TRMT11: variants seen among roughly 807,000 people sequenced by gnomAD.
TRMT11 encodes the protein tRNA (guanine(10)-N(2))-methyltransferase TRMT11.
Under a neutral mutation model 62.8 loss-of-function variants are expected in TRMT11, and 53 were observed. The observed-to-expected ratio is 0.84, with a 90% confidence interval of 0.68 to 1.06. The LOEUF is 1.06. Ranked by LOEUF, TRMT11 falls within the 50% of genes least tolerant of loss-of-function variation. TRMT11 has a pLI of 0.00. For missense variants in TRMT11, 556 were observed against 553.4 expected, an observed-to-expected ratio of 1.00 and a Z score of -0.05; for synonymous variants, 188 against 190.3, an observed-to-expected ratio of 0.99 and a Z score of 0.10.
chr6:126,241,962 G>C, the TRMT11 span, among the ~76,000 whole-genome samples: 32 of 152,174 alleles, frequency 2.1e-4, no homozygotes, highest in African/African-American at 7.0e-4. Flanking sequence ...GGAAATAAAG[G>C]GTATTCCATT....
At chr6:126,199,937 G>A (rs1017335998) in intron 3 of TRMT11, 1 of 152,142 alleles carries the variant, frequency 6.6e-6, no homozygotes, top group Non-Finnish European at 1.5e-5. Flanking sequence ...CTAATGTTAC[G>A]CTAAGATGGA....
chr6:126,223,164 G>A, the TRMT11 span, among the ~76,000 whole-genome samples: 1 of 152,206 alleles, frequency 6.6e-6, no homozygotes, highest in Non-Finnish European at 1.5e-5. Flanking sequence ...GCTCATGCCT[G>A]TAATCCCAGC....
intron 21 of TRMT11, among the ~76,000 whole-genome samples, chr6:126,151,904 TC>T (rs1778057627): frequency 8.1e-5 from 1 of 12,410 alleles, no homozygotes; most frequent in Non-Finnish European, 1.5e-4. Flanking sequence ...TTCTTTCTTT[TC>T]TCTTTCTTTC....
Position 126,029,476 on chromosome 6 carries a change from A to G in TRMT11, c.1260+8196A>G, listed in dbSNP as rs190063193. Among the ~76,000 whole-genome samples the G allele has an allele frequency of 1.6e-4, 24 of 152,228 alleles. No individual in the cohort carries two copies. The East Asian group carries it at 4.6e-3, about 29-fold the overall frequency. On this transcript the variant is annotated intron_variant, in intron 12 of 12. Transcript: ENST00000334379. Reference sequence around the variant, plus strand: ...GCTTTTCTTTTGTAATATTACCACTATTGAATTCATCCCTAAGCAATATAG... The same window carrying G: ...GCTTTTCTTTTGTAATATTACCACTGTTGAATTCATCCCTAAGCAATATAG...
intron 12 of TRMT11, among the ~76,000 whole-genome samples, chr6:126,022,694 A>C (rs1796005983): frequency 1.3e-5 from 2 of 152,194 alleles, no homozygotes; most frequent in South Asian, 4.1e-4. Context: ...GTGTGACATA[A>C]ACTATCTTCT....
chr6:126,213,596 G>A, the TRMT11 span, among the ~76,000 whole-genome samples: 3 of 152,128 alleles, frequency 2.0e-5, no homozygotes, highest in African/African-American at 7.2e-5. Context: ...TGTTGGTTTT[G>A]AATCCTTCAA....
rs752465721 is a variant in TRMT11 at position 126,139,405 on chromosome 6, A to G, written c.*1823+23550A>G. On this transcript the variant is annotated intron_variant and NMD_transcript_variant, in intron 21 of 22. Transcript: ENST00000648977. ...TTTTTTCAAGACTGAGTCTTGCTCT[A>G]TTGCCCAGGTGGGAGTGCAGTGGTG... is the stretch of plus-strand genomic sequence containing the variant. Among the ~76,000 whole-genome samples, 6 of 152,102 alleles carry G rather than the reference A, an allele frequency of 3.9e-5. No homozygotes were observed. In the East Asian group the frequency reaches 5.8e-4, roughly 15 times the overall value.
Position 126,062,112 on chromosome 6 carries a change from C to G in TRMT11, c.*1437+8922C>G, listed in dbSNP as rs959468919. On this transcript the variant is annotated intron_variant and NMD_transcript_variant, in intron 17 of 22. Coordinates refer to the TRMT11 transcript ENST00000648977. ...ACTATGTTAGGCTTGTCTCTAACTC[C>G]TGGCCTCAAGAGATCCGTCCACCTT... Among the ~76,000 whole-genome samples the G allele has an allele frequency of 6.2e-4, 95 of 152,170 alleles. 1 individual carries two copies. The highest frequency in any genetic ancestry group is 5.8e-3 in the Admixed American group (88 of 15,270).
intron 21 of TRMT11, among the ~76,000 whole-genome samples, chr6:126,157,840 TTA>T (rs1778138469): frequency 6.6e-6 from 1 of 152,234 alleles, no homozygotes; most frequent in African/African-American, 2.4e-5. Context: ...CTTTTATAAT[TTA>T]GTCTTTACAT....
chr6:126,193,549 T>A (rs747855835), intron 1 of TRMT11, among the ~76,000 whole-genome samples: 7 of 140,948 alleles, frequency 5.0e-5, no homozygotes, highest in Non-Finnish European at 1.0e-4. Flanking sequence ...CAGGCTGGAG[T>A]GCAGGCAATC....
At chr6:126,110,355 A>C (rs1248177184) in intron 17 of TRMT11, among the ~76,000 whole-genome samples, 1 of 152,140 alleles carries the variant, frequency 6.6e-6, no homozygotes, top group African/African-American at 2.4e-5. Context: ...TCTCTTTTCC[A>C]TACCTCCAAG....
intron 21 of TRMT11, among the ~76,000 whole-genome samples, chr6:126,125,242 T>A (rs1777702036): frequency 6.6e-6 from 1 of 152,104 alleles, no homozygotes; most frequent in African/African-American, 2.4e-5. Flanking sequence ...CCCGTGGGGT[T>A]TGGGCTCTTT....
At chr6:126,156,321 G>A (rs1778121265) in intron 21 of TRMT11, among the ~76,000 whole-genome samples, 1 of 152,118 alleles carries the variant, frequency 6.6e-6, no homozygotes, top group African/African-American at 2.4e-5. Context: ...CTGTGTGGGG[G>A]CTCCACCCCA....
intron 21 of TRMT11, among the ~76,000 whole-genome samples, chr6:126,116,316 T>C (rs376608598): frequency 1.8e-4 from 28 of 152,066 alleles, no homozygotes; most frequent in African/African-American, 6.8e-4. Context: ...GAAAGCGCAC[T>C]GGATACAAAC....
At chr6:126,139,911 C>T (rs551151866) in intron 21 of TRMT11, among the ~76,000 whole-genome samples, 1 of 151,992 alleles carries the variant, frequency 6.6e-6, no homozygotes, top group African/African-American at 2.4e-5. Flanking sequence ...ATTCTTATAT[C>T]TGATTTGTTA....
At chr6:126,170,898 G>A (rs1428918737) in intron 21 of TRMT11, among the ~76,000 whole-genome samples, 2 of 152,100 alleles carry the variant, frequency 1.3e-5, no homozygotes, top group African/African-American at 4.8e-5. Flanking sequence ...GAATAACCTG[G>A]GAAGCATCAA....
At chr6:126,058,461 T>G (rs549257355) in intron 17 of TRMT11, among the ~76,000 whole-genome samples, 48 of 152,330 alleles carry the variant, frequency 3.2e-4, no homozygotes, top group African/African-American at 1.1e-3. Flanking sequence ...AATCCTTTAG[T>G]TATATACCCA....
At position 126,047,497 on chromosome 6, in the gene TRMT11, A is replaced by G. The variant is rs764118892; in HGVS notation, c.*1370-5626A>G. Among the ~76,000 whole-genome samples, 45 of 151,568 alleles carry G rather than the reference A, an allele frequency of 3.0e-4. 1 individual carries two copies. Among genetic ancestry groups the G allele is most frequent in the Non-Finnish European group, 6.2e-4 (42 of 67,868 alleles). ...CATCCCGCTGAGAGCCACCTCTACCACTCAGTTAAAGCCCCGTATTCACCA... is the reference window on the plus strand; with the variant it reads ...CATCCCGCTGAGAGCCACCTCTACCGCTCAGTTAAAGCCCCGTATTCACCA... On this transcript the variant is annotated intron_variant and NMD_transcript_variant, in intron 16 of 22. Transcript: ENST00000648977.
intron 17 of TRMT11, among the ~76,000 whole-genome samples, chr6:126,080,225 C>G (rs1049200251): frequency 6.6e-6 from 1 of 151,950 alleles, no homozygotes; most frequent in African/African-American, 2.4e-5. Context: ...ACTCAGCCTC[C>G]TGAATAGCTA....
Sources: allele counts gnomAD v4.1 joint callset (sites outside exome capture counted in the v4.1 genomes callset), GRCh38; gene constraint gnomAD v4.1.1; transcripts MANE v1.5; gene names NCBI Gene and HGNC (gene_info 2026-07-23, HGNC 2026-07-21).